Variants in BTD observed in about 807,000 individuals in gnomAD.
BTD encodes biotinidase.
BTD carries 13 observed loss-of-function variants against 17.7 expected under a neutral mutation model. The observed-to-expected ratio is 0.74, with a 90% CI of 0.48 to 1.17. BTD has a LOEUF of 1.17. BTD is among the 50% of genes most tolerant of loss of function. BTD has a pLI of 0.00. For missense variants in BTD, 674 were observed against 650.4 expected (o/e 1.04, Z -0.39); for synonymous variants, 240 against 245.2 (o/e 0.98, Z 0.20).
Position 15,663,245 on chromosome 3 carries a change from C to T in BTD, c.399+21188C>T, listed in dbSNP as rs189516785. 3.9e-5 allele frequency among the ~76,000 whole-genome samples: 6 copies of T among 152,298 alleles called. 1 individual carries two copies. Among genetic ancestry groups the T allele is most frequent in the Admixed American group, 1.3e-4 (2 of 15,306 alleles). On this transcript the variant is annotated intron_variant, in intron 3 of 3. Transcript: ENST00000672141. ...CTCACCTCAGGTGATCCGCCCGCCT[C>T]GGCTTCCCAAAGTGCTGGGATTACA... is the stretch of plus-strand genomic sequence containing the variant.
At chr3:15,695,758 C>T (rs1219340169) in intron 3 of BTD, among the ~76,000 whole-genome samples, 1 of 152,010 alleles carries the variant, frequency 6.6e-6, no homozygotes, top group Non-Finnish European at 1.5e-5. Flanking sequence ...AATAAATGTG[C>T]CTTTTGGAAT....
intron 3 of BTD, among the ~76,000 whole-genome samples, chr3:15,699,053 A>C (rs2070132419): frequency 6.6e-6 from 1 of 152,202 alleles, no homozygotes; most frequent in Non-Finnish European, 1.5e-5. Context: ...ATATAGAACA[A>C]TGGAACAGAA....
In BTD at chr3:15,602,028, C is replaced by T. The variant is rs188653783; in HGVS notation, c.-17+134C>T. On this transcript the variant is annotated intron_variant, in intron 1 of 3. Coordinates refer to ENST00000643237, the MANE Select transcript of BTD (RefSeq NM_001370658.1). ...GGGAGCTGGGAAGCCCGGCGCGCGTCGTTTGCTGGGGCTGTTTGTGCGTTG... is the reference window on the plus strand; with the variant it reads ...GGGAGCTGGGAAGCCCGGCGCGCGTTGTTTGCTGGGGCTGTTTGTGCGTTG... The T allele has an allele frequency of 3.7e-4, 551 of 1,493,922 alleles. 6 individuals are homozygous for T. The African/African-American group carries it at 5.8e-3, about 16-fold the overall frequency. The allele number at this position is 1,493,922 out of a possible 1,614,324, so 92.5% of individuals were successfully genotyped here.
chr3:15,617,964 G>A (rs1414119938), intron 1 of BTD, among the ~76,000 whole-genome samples: 1 of 152,036 alleles, frequency 6.6e-6, no homozygotes, highest in Non-Finnish European at 1.5e-5. Context: ...TTATTTTTAT[G>A]TATTTATCTA....
intron 3 of BTD, chr3:15,689,904 A>G (rs2068591182): frequency 1.3e-5 from 7 of 521,730 alleles, no homozygotes; most frequent in South Asian, 4.1e-5. Flanking sequence ...ATATGATTTG[A>G]AAAAAAAAAA....
intron 1 of BTD, among the ~76,000 whole-genome samples, chr3:15,619,265 G>A (rs568587237): frequency 7.2e-5 from 11 of 152,168 alleles, no homozygotes; most frequent in East Asian, 1.9e-4. Flanking sequence ...ATTGTACTTC[G>A]TCAAATACAT....
chr3:15,605,663 T>A (rs1034050645), intron 1 of BTD, among the ~76,000 whole-genome samples: 1 of 151,752 alleles, frequency 6.6e-6, no homozygotes, highest in African/African-American at 2.4e-5. Context: ...TTGACAGTTA[T>A]ATATATATAT....
chr3:15,660,883 A>G (rs938395928), intron 3 of BTD, among the ~76,000 whole-genome samples: 1 of 152,122 alleles, frequency 6.6e-6, no homozygotes, highest in African/African-American at 2.4e-5. Flanking sequence ...TTGCTGGATC[A>G]TATGGTTTAA....
Position 15,635,584 on chromosome 3 carries a change from C to G in BTD, c.145C>G (p.Leu49Val), listed in dbSNP as rs777344863. The G allele has an allele frequency of 2.5e-6, 4 of 1,614,084 alleles. No individual in the cohort carries two copies. The highest frequency in any genetic ancestry group is 3.4e-6 in the Non-Finnish European group (4 of 1,180,048). Residue 49 changes from leucine to valine, a missense_variant, in exon 2 of 4, where the codon CTG becomes GTG. Coordinates refer to ENST00000643237, the MANE Select transcript of BTD (RefSeq NM_001370658.1). This position sits in a 1 kb window ranked among gnomAD's most constrained non-coding sequence, Gnocchi z 4.1. ...TGCCGTGTATGAGCATCCATCCATCCTGAGTCTGAACCCTCTGGCTCTCAT... is the reference window on the plus strand; with the variant it reads ...TGCCGTGTATGAGCATCCATCCATCGTGAGTCTGAACCCTCTGGCTCTCAT... ...VAAVYEHPSI[L>V]SLNPLALISR...
intron 1 of BTD, among the ~76,000 whole-genome samples, chr3:15,625,152 T>A (rs972565192): frequency 6.6e-6 from 1 of 152,212 alleles, no homozygotes; most frequent in Admixed American, 6.5e-5. Flanking sequence ...AGGCATTTAA[T>A]TGAAATGTGG....
chr3:15,608,310 G>GGT (rs1306236127), intron 1 of BTD, among the ~76,000 whole-genome samples: 210 of 152,212 alleles, frequency 1.4e-3, no homozygotes, highest in African/African-American at 4.9e-3. Context: ...TGGGTTTTGG[G>GGT]TTTTTTTGTT....
At chr3:15,624,770 C>T (rs1169711030) in intron 1 of BTD, among the ~76,000 whole-genome samples, 3 of 152,232 alleles carry the variant, frequency 2.0e-5, no homozygotes, top group Non-Finnish European at 4.4e-5. Flanking sequence ...TCACCTCCCT[C>T]TGTCACTGCT....
exon 4 of BTD, among the ~76,000 whole-genome samples, chr3:15,712,669 T>C (rs1376363580): frequency 6.6e-6 from 1 of 152,220 alleles, no homozygotes; most frequent in Non-Finnish European, 1.5e-5. Flanking sequence ...TCAAGAATAT[T>C]TATTGTAGTA....
chr3:15,660,082 T>G (rs2455800), intron 3 of BTD, among the ~76,000 whole-genome samples: 83,219 of 152,122 alleles, frequency 0.55, 23,325 homozygotes, highest in Middle Eastern at 0.65. Flanking sequence ...TCCCATGTAT[T>G]TTTTCATTTA....
At chr3:15,677,935 C>G (rs2067123551) in intron 3 of BTD, among the ~76,000 whole-genome samples, 1 of 152,116 alleles carries the variant, frequency 6.6e-6, no homozygotes, top group Admixed American at 6.5e-5. Context: ...GGTCATTTAG[C>G]TGAAAGATCT....
intron 3 of BTD, chr3:15,709,778 A>AT: frequency 7.5e-7 from 1 of 1,342,012 alleles, no homozygotes; most frequent in Non-Finnish European, 1.0e-6. Flanking sequence ...ATTGACAGTG[A>AT]TTTTATAATG....
At chr3:15,671,726 C>T (rs1022534625) in intron 3 of BTD, among the ~76,000 whole-genome samples, 1 of 151,552 alleles carries the variant, frequency 6.6e-6, no homozygotes, top group Non-Finnish European at 1.5e-5. Context: ...TGGGATTACA[C>T]GTGTGTGCCA....
chr3:15,653,012 G>C lies in BTD; in HGVS notation c.*7524G>C, dbSNP rs189332370. On this transcript the variant is annotated 3_prime_UTR_variant, in exon 4 of 4. Coordinates refer to ENST00000643237, the MANE Select transcript of BTD (RefSeq NM_001370658.1). ...GTTCTAGAGGAGGTATTCTGACAGT[G>C]GCCAGGAAAACCTCCTGCCCGCAGA... Among the ~76,000 whole-genome samples the C allele has an allele frequency of 6.6e-5, 10 of 152,282 alleles. No individual in the cohort carries two copies. Among genetic ancestry groups the C allele is most frequent in the Admixed American group, 3.9e-4 (6 of 15,300 alleles).
chr3:15,676,042 C>A, intron 3 of BTD: 1 of 1,412,308 alleles, frequency 7.1e-7, no homozygotes. Flanking sequence ...CATGCACATA[C>A]ACATACACAC....
Sources: gnomAD v4.1 joint callset for allele counts (sites outside exome capture counted in the v4.1 genomes callset) on GRCh38, gnomAD v4.1.1 for gene constraint, Gnocchi (gnomAD v3.1) non-coding constraint, MANE v1.5 for transcripts, NCBI Gene and HGNC (gene_info 2026-07-23, HGNC 2026-07-21) for gene names.